SPRR2F: variants seen among roughly 807,000 people sequenced by gnomAD.
The protein encoded by SPRR2F is small proline rich protein 2F.
In SPRR2F, 2 loss-of-function variants were observed where a neutral mutation model predicts 0.8. The ratio of observed to expected loss-of-function variants is 2.52; its 90% CI spans 1.03 to 7.95. SPRR2F has a LOEUF of 7.95. Ranked by LOEUF, SPRR2F falls within the 30% of genes most tolerant of loss-of-function variation. The pLI, the probability that SPRR2F is intolerant of heterozygous loss-of-function variation, is 0.04. For missense variants in SPRR2F, 80 were observed against 85.8 expected (o/e 0.93, Z 0.27); for synonymous variants, 39 against 33.4 (o/e 1.17, Z -0.58).
upstream of SPRR2F, among the ~76,000 whole-genome samples, chr1:153,117,872 T>C (rs1655748348): frequency 6.6e-6 from 1 of 151,964 alleles, no homozygotes; most frequent in Non-Finnish European, 1.5e-5. Context: ...CGGACAAAAT[T>C]GTGAAAAACT....
upstream of SPRR2F, among the ~76,000 whole-genome samples, chr1:153,117,406 C>T (rs1362242551): frequency 6.6e-6 from 1 of 151,970 alleles, no homozygotes; most frequent in African/African-American, 2.4e-5. Flanking sequence ...AGAAAATTGA[C>T]ATTGTAAATA....
At chr1:153,117,691 A>T (rs1655744273), upstream of SPRR2F, among the ~76,000 whole-genome samples, 1 of 152,100 alleles carries the variant, frequency 6.6e-6, no homozygotes, top group East Asian at 1.9e-4. Flanking sequence ...GCTATCAGAA[A>T]TACAGATGAT....
chr1:153,112,629 G>A lies in SPRR2F; in HGVS notation c.105C>T (p.Pro35=). ...EPCPPPKCPE[P]CPPSKCPQSC... ...ACTGTGGACACTTTGATGGTGGGCAGGGCTCAGGGCACTTCGGGGGTGGAC... is the reference window on the plus strand; with the variant it reads ...ACTGTGGACACTTTGATGGTGGGCAAGGCTCAGGGCACTTCGGGGGTGGAC... Residue 35 remains proline, a synonymous_variant, in exon 2 of 2, where the codon CCC becomes CCT. Transcript: ENST00000468739. The A allele has an allele frequency of 6.2e-7, 1 of 1,612,694 alleles. No homozygotes were observed.
rs377652411 is a variant in SPRR2F at position 153,112,644 on chromosome 1, C to T, written c.90G>A (p.Pro30=). 10 of 1,612,302 alleles carry T rather than the reference C, an allele frequency of 6.2e-6. No individual in the cohort carries two copies. Among genetic ancestry groups the T allele is most frequent in the Middle Eastern group, 4.0e-4 (2 of 4,996 alleles). ...ATGGTGGGCAGGGCTCAGGGCACTT[C>T]GGGGGTGGACATGGCTCTGGGCACT... is the stretch of plus-strand genomic sequence containing the variant. ...APKCPEPCPP[P]KCPEPCPPSK... Residue 30 remains proline, a synonymous_variant, in exon 2 of 2, where the codon CCG becomes CCA. Transcript: ENST00000468739.
chr1:153,119,046 G>T, the SPRR2F span, among the ~76,000 whole-genome samples: 1 of 152,054 alleles, frequency 6.6e-6, no homozygotes, highest in Non-Finnish European at 1.5e-5. Context: ...TGTAACTTTA[G>T]GATGTTATAT....
chr1:153,118,722 CT>C, the SPRR2F span, among the ~76,000 whole-genome samples: 1 of 152,098 alleles, frequency 6.6e-6, no homozygotes, highest in Non-Finnish European at 1.5e-5. Flanking sequence ...TAAAGAGAGC[CT>C]TTTGATTTGA....
At chr1:153,114,831 A>G (rs537646606), upstream of SPRR2F, among the ~76,000 whole-genome samples, 2 of 152,048 alleles carry the variant, frequency 1.3e-5, no homozygotes, top group Non-Finnish European at 2.9e-5. Flanking sequence ...TCTTTTGTAA[A>G]CTCTTCCAGC....
upstream of SPRR2F, among the ~76,000 whole-genome samples, chr1:153,113,678 G>A (rs192088956): frequency 4.6e-5 from 7 of 152,248 alleles, no homozygotes; most frequent in East Asian, 1.4e-3. Context: ...ATCCTGTTCT[G>A]GGATCTCCCC....
In SPRR2F at chr1:153,112,688, G is replaced by A; in HGVS notation, c.46C>T (p.Pro16Ser). The A allele has an allele frequency of 6.2e-7, 1 of 1,612,340 alleles. No homozygotes were observed. The highest frequency in any genetic ancestry group is 8.5e-7 in the Non-Finnish European group (1 of 1,179,850). The change falls in exon 2 of 2, where the codon CCT becomes TCT. Residue 16 changes from proline (P) to serine (S), a missense_variant. Physicochemically the swap from Pro to Ser is moderately conservative, Grantham distance 74 (BLOSUM62 -1). Transcript: ENST00000468739. ...GGGCACTTTGGCGCGGGGCACACAGGAGGTGGCTGGCAGGGCTGCTTGCAC... is the reference window on the plus strand; with the variant it reads ...GGGCACTTTGGCGCGGGGCACACAGAAGGTGGCTGGCAGGGCTGCTTGCAC... ...QQCKQPCQPP[P>S]VCPAPKCPEP...
chr1:153,113,236 T>G lies in SPRR2F; in HGVS notation c.-20+238A>C, dbSNP rs538791661. On this transcript the variant is annotated intron_variant, in intron 1 of 1. Coordinates refer to ENST00000468739, the MANE Select transcript of SPRR2F (RefSeq NM_001014450.3). ...AAAAAAAGAAAAATACTTTGTTATTTTTTCTTCTTCAAATCAAAGCTTTCC... is the reference window on the plus strand; with the variant it reads ...AAAAAAAGAAAAATACTTTGTTATTGTTTCTTCTTCAAATCAAAGCTTTCC... 2.6e-4 allele frequency among the ~76,000 whole-genome samples: 40 copies of G among 152,332 alleles called. No homozygotes were observed. In the East Asian group the frequency reaches 6.6e-3, roughly 25 times the overall value.
chr1:153,113,000 A>G (rs967012848), intron 1 of SPRR2F, among the ~76,000 whole-genome samples: 1 of 152,186 alleles, frequency 6.6e-6, no homozygotes, highest in African/African-American at 2.4e-5. Flanking sequence ...ACAACCAAGC[A>G]TGTTATTTCT....
At chr1:153,115,107 G>A (rs898970987), upstream of SPRR2F, among the ~76,000 whole-genome samples, 6 of 152,108 alleles carry the variant, frequency 3.9e-5, no homozygotes, top group East Asian at 1.9e-4. Flanking sequence ...CATTGCTCCC[G>A]TCAATAAGGA....
chr1:153,117,125 T>G (rs889071565), upstream of SPRR2F, among the ~76,000 whole-genome samples: 2 of 152,070 alleles, frequency 1.3e-5, no homozygotes, highest in Non-Finnish European at 2.9e-5. Context: ...ATCATATTTC[T>G]TTTAGGTCAG....
chr1:153,115,752 GTCATCTATCTAT>G (rs1325215301), upstream of SPRR2F, among the ~76,000 whole-genome samples: 1 of 151,998 alleles, frequency 6.6e-6, no homozygotes, highest in Non-Finnish European at 1.5e-5. Flanking sequence ...TATCTAATGT[GTCATCTATCTAT>G]CCATCTACCT....
rs764872210 is a variant in SPRR2F, at chr1:153,112,651, G to A, written c.83C>T (p.Pro28Leu). Residue 28 changes from proline to leucine, a missense_variant, in exon 2 of 2, where the codon CCA becomes CTA. By Grantham distance (98) the Pro-to-Leu change is moderately conservative. Coordinates refer to ENST00000468739, the MANE Select transcript of SPRR2F (RefSeq NM_001014450.3). ...CPAPKCPEPC[P>L]PPKCPEPCPP... ...GCAGGGCTCAGGGCACTTCGGGGGTGGACATGGCTCTGGGCACTTTGGCGC... is the reference window on the plus strand; with the variant it reads ...GCAGGGCTCAGGGCACTTCGGGGGTAGACATGGCTCTGGGCACTTTGGCGC... 1.2e-6 allele frequency: 2 copies of A among 1,612,504 alleles called. No individual in the cohort carries two copies. The highest frequency in any genetic ancestry group is 1.7e-5 in the Admixed American group (1 of 60,014).
upstream of SPRR2F, among the ~76,000 whole-genome samples, chr1:153,116,188 T>C (rs550245792): frequency 6.6e-6 from 1 of 152,316 alleles, no homozygotes; most frequent in African/African-American, 2.4e-5. Flanking sequence ...ATCAGATAAA[T>C]TATGGGACAT....
At chr1:153,118,354 T>C (rs1238851000), upstream of SPRR2F, among the ~76,000 whole-genome samples, 1 of 152,124 alleles carries the variant, frequency 6.6e-6, no homozygotes, top group Non-Finnish European at 1.5e-5. Context: ...CAGTAAAAGA[T>C]AAATTTACAC....
upstream of SPRR2F, among the ~76,000 whole-genome samples, chr1:153,118,176 T>C (rs1360271447): frequency 2.0e-5 from 3 of 151,984 alleles, no homozygotes; most frequent in Admixed American, 1.3e-4. Context: ...GATAAATAGA[T>C]AAATAAACTG....
At chr1:153,118,736 T>C in the SPRR2F span, among the ~76,000 whole-genome samples, 2 of 152,134 alleles carry the variant, frequency 1.3e-5, no homozygotes, top group Non-Finnish European at 2.9e-5. Context: ...TGATTTGAAG[T>C]AAAAGGATGC....
Sources: allele counts gnomAD v4.1 joint callset (sites outside exome capture counted in the v4.1 genomes callset), GRCh38; gene constraint gnomAD v4.1.1; transcripts MANE v1.5; gene names NCBI Gene and HGNC (gene_info 2026-07-23, HGNC 2026-07-21).